The following DOCK3 variants were observed in gnomAD, a reference collection of about 807,000 sequenced individuals.
DOCK3 encodes dedicator of cytokinesis protein 3.
DOCK3 carries 60 observed loss-of-function variants against 265.6 expected under a neutral mutation model. The observed-to-expected ratio is 0.23, with a 90% CI of 0.18 to 0.28. The LOEUF (loss-of-function observed/expected upper bound fraction) is 0.28. Among genes scored for constraint, DOCK3 ranks in the 10% least tolerant of loss-of-function variants. The probability of loss-of-function intolerance (pLI) is 1.00; values close to 1 mark genes in which losing one functional copy is unlikely to be tolerated. For missense variants in DOCK3, 1,981 were observed against 2,594.3 expected (o/e 0.76, Z 5.14); for synonymous variants, 881 against 938.0 (o/e 0.94, Z 1.11).
chr3:51,295,537 G>A (rs1001768211), intron 27 of DOCK3, among the ~76,000 whole-genome samples: 2 of 151,818 alleles, frequency 1.3e-5, no homozygotes, highest in Admixed American at 6.6e-5. Flanking sequence ...TGTAGAAAAA[G>A]CATTAAAAAA....
chr3:51,098,530 G>A (rs1225987605), intron 9 of DOCK3, among the ~76,000 whole-genome samples: 1 of 152,186 alleles, frequency 6.6e-6, no homozygotes, highest in African/African-American at 2.4e-5. Context: ...AGGGGACCCT[G>A]GAGATAAATT....
At chr3:51,206,597 A>G (rs1377935982) in intron 12 of DOCK3, among the ~76,000 whole-genome samples, 1 of 152,162 alleles carries the variant, frequency 6.6e-6, no homozygotes. Context: ...AAGAAAGGCA[A>G]GAAATACCAT....
rs141327747 is a variant in DOCK3, at chr3:51,336,079, A to G, written c.3612-2280A>G. Reference sequence around the variant, plus strand: ...GACATCAAACAAAAAGGAAAAAATAATTGTTCAAAGTTTTAAAATACATAC... The same window carrying G: ...GACATCAAACAAAAAGGAAAAAATAGTTGTTCAAAGTTTTAAAATACATAC... On this transcript the variant is annotated intron_variant, in intron 35 of 52. Coordinates refer to ENST00000266037, the MANE Select transcript of DOCK3 (RefSeq NM_004947.5). Among the ~76,000 whole-genome samples, 320 of 152,264 alleles carry G rather than the reference A, an allele frequency of 2.1e-3. 1 individual carries two copies. Among genetic ancestry groups the G allele is most frequent in the Non-Finnish European group, 3.3e-3 (223 of 68,012 alleles).
intron 1 of DOCK3, among the ~76,000 whole-genome samples, chr3:50,683,664 T>C (rs1014019906): frequency 6.6e-6 from 1 of 152,186 alleles, no homozygotes; most frequent in Non-Finnish European, 1.5e-5. Context: ...TGCTAAAAAG[T>C]CTGTATGGAC....
chr3:50,715,562 GA>G (rs201053424), intron 1 of DOCK3, among the ~76,000 whole-genome samples: 2 of 150,654 alleles, frequency 1.3e-5, no homozygotes, highest in African/African-American at 4.9e-5. Flanking sequence ...GAAAAAACAA[GA>G]AAAAAAAATG....
chr3:50,788,036 G>T, intron 2 of DOCK3: 1 of 737,558 alleles, frequency 1.4e-6, no homozygotes, highest in East Asian at 3.0e-5. Flanking sequence ...CTCTGCTCCT[G>T]TCTCCCTGAA....
In DOCK3 at chr3:51,114,889, T is replaced by C. The variant is rs572656645; in HGVS notation, c.746+24505T>C. Among the ~76,000 whole-genome samples the C allele has an allele frequency of 6.0e-5, 9 of 150,420 alleles. No individual in the cohort carries two copies. In the South Asian group the frequency reaches 1.5e-3, roughly 25 times the overall value. On this transcript the variant is annotated intron_variant, in intron 9 of 52. Coordinates refer to ENST00000266037, the MANE Select transcript of DOCK3 (RefSeq NM_004947.5). ...TCATTGTTCAGCTCCCACTTACGAG[T>C]GAGAACGTGCGGTGTTTGGTTTTCT...
intron 1 of DOCK3, among the ~76,000 whole-genome samples, chr3:50,768,187 C>G (rs1475928943): frequency 6.6e-6 from 1 of 152,074 alleles, no homozygotes; most frequent in East Asian, 1.9e-4. Context: ...CATCCCTGTC[C>G]TATGCCAGTT....
chr3:51,208,929 A>T (rs4301044), intron 13 of DOCK3, 67 bp downstream of exon 13: 19 of 1,431,624 alleles, frequency 1.3e-5, no homozygotes, highest in Non-Finnish European at 1.5e-5. Flanking sequence ...CAGCACTTAG[A>T]TTGGTTGGTG....
At chr3:51,005,127 TA>T (rs1296010611) in intron 5 of DOCK3, among the ~76,000 whole-genome samples, 2 of 152,010 alleles carry the variant, frequency 1.3e-5, no homozygotes, top group Admixed American at 6.6e-5. Context: ...GAAGTAAAGA[TA>T]AAAAAGGAAA....
intron 2 of DOCK3, among the ~76,000 whole-genome samples, chr3:50,783,607 G>T (rs575717526): frequency 1.3e-5 from 2 of 152,100 alleles, no homozygotes; most frequent in Admixed American, 1.3e-4. Flanking sequence ...TTAGTCCTTC[G>T]TTAGATGCAT....
At chr3:51,198,155 G>A (rs561705007) in intron 12 of DOCK3, among the ~76,000 whole-genome samples, 8 of 152,242 alleles carry the variant, frequency 5.3e-5, no homozygotes, top group Admixed American at 1.3e-4. Context: ...GTTTGAAAAT[G>A]ATGCCTTGCT....
intron 13 of DOCK3, among the ~76,000 whole-genome samples, chr3:51,209,083 G>T (rs374691454): frequency 1.3e-5 from 2 of 152,292 alleles, no homozygotes; most frequent in South Asian, 2.1e-4. Flanking sequence ...AGTTCCATAT[G>T]TGTTGATAGG....
chr3:51,187,670 G>A (rs143445643), intron 12 of DOCK3, among the ~76,000 whole-genome samples: 182 of 151,992 alleles, frequency 1.2e-3, no homozygotes, highest in African/African-American at 3.4e-3. Flanking sequence ...AATCATGGGG[G>A]CAGGTCTTTC....
chr3:50,865,530 A>G (rs190302882), intron 3 of DOCK3, among the ~76,000 whole-genome samples: 2 of 152,252 alleles, frequency 1.3e-5, no homozygotes, highest in Non-Finnish European at 2.9e-5. Context: ...TGTGTACCAC[A>G]TTTTCTTTAT....
chr3:51,087,315 G>A (rs1370012591), intron 7 of DOCK3, among the ~76,000 whole-genome samples: 1 of 152,214 alleles, frequency 6.6e-6, no homozygotes, highest in Admixed American at 6.5e-5. Flanking sequence ...TCCCAGTGAT[G>A]CAAGCGTGGT....
At chr3:50,912,869 G>C (rs1361970213) in intron 4 of DOCK3, among the ~76,000 whole-genome samples, 1 of 152,066 alleles carries the variant, frequency 6.6e-6, no homozygotes, top group Non-Finnish European at 1.5e-5. Flanking sequence ...TCTGACCCAG[G>C]ACAGCTCCAG....
chr3:51,286,713 T>A (rs544234145), intron 27 of DOCK3, among the ~76,000 whole-genome samples: 1 of 152,246 alleles, frequency 6.6e-6, no homozygotes, highest in Admixed American at 6.5e-5. Context: ...AAACAAGCAA[T>A]GGGGAAAAGA....
chr3:50,882,085 C>G (rs1057214361), intron 3 of DOCK3, among the ~76,000 whole-genome samples: 35 of 152,152 alleles, frequency 2.3e-4, no homozygotes, highest in African/African-American at 8.2e-4. Flanking sequence ...GAAACTGGAT[C>G]CCTTCCTTAC....
Sources: gnomAD v4.1 joint callset for allele counts (sites outside exome capture counted in the v4.1 genomes callset) on GRCh38, gnomAD v4.1.1 for gene constraint, MANE v1.5 for transcripts, NCBI Gene and HGNC (gene_info 2026-07-23, HGNC 2026-07-21) for gene names.